The following EPHA6 variants were observed in gnomAD, a reference collection of about 807,000 sequenced individuals.
EPHA6 encodes ephrin type-A receptor 6.
A neutral mutation model predicts 112.0 loss-of-function variants in EPHA6; 50 were observed. The ratio of observed to expected loss-of-function variants is 0.45; its 90% CI spans 0.36 to 0.56. The LOEUF is 0.56. Among genes scored for constraint, EPHA6 ranks in the 20% least tolerant of loss-of-function variants. The pLI is 0.00. For synonymous variants in EPHA6, 529 were observed against 490.7 expected, an observed-to-expected ratio of 1.08 and a Z score of -1.03; for missense variants, 1,280 against 1,417.4, an observed-to-expected ratio of 0.90 and a Z score of 1.56.
At chr3:97,512,383 G>T (rs1269876743) in intron 10 of EPHA6, among the ~76,000 whole-genome samples, 1 of 152,046 alleles carries the variant, frequency 6.6e-6, no homozygotes, top group Non-Finnish European at 1.5e-5. Context: ...GACTAGCATA[G>T]TATCATTTTA....
At chr3:97,700,941 T>C (rs1217863139) in intron 14 of EPHA6, among the ~76,000 whole-genome samples, 19 of 151,972 alleles carry the variant, frequency 1.3e-4, no homozygotes, top group Non-Finnish European at 1.5e-5. Flanking sequence ...TAGGAAGGAA[T>C]AGAATATTAG....
rs187426165 is a variant in EPHA6 at position 97,436,407 on chromosome 3, T to A, written c.1732-12161T>A. Among the ~76,000 whole-genome samples, 496 of 152,174 alleles carry A rather than the reference T, an allele frequency of 3.3e-3. 3 individuals are homozygous for A. The highest frequency in any genetic ancestry group is 0.011 in the African/African-American group (465 of 41,546). Reference sequence around the variant, plus strand: ...GGCTCACAAACAAATATAAAAAAAATTTAAAGTTCCACCACGGTGACAAAA... The same window carrying A: ...GGCTCACAAACAAATATAAAAAAAAATTAAAGTTCCACCACGGTGACAAAA... On this transcript the variant is annotated intron_variant, in intron 6 of 17. Transcript: ENST00000389672.
chr3:97,592,195 G>A (rs757740752), intron 11 of EPHA6, among the ~76,000 whole-genome samples: 1 of 152,176 alleles, frequency 6.6e-6, no homozygotes, highest in Non-Finnish European at 1.5e-5. Context: ...TAGACCTAAA[G>A]TAAAGTACTG....
intron 5 of EPHA6, among the ~76,000 whole-genome samples, chr3:97,273,758 G>C (rs2079970741): frequency 6.6e-6 from 1 of 152,290 alleles, no homozygotes; most frequent in African/African-American, 2.4e-5. Flanking sequence ...TCTGCTATCG[G>C]ACTGTATAGA....
intron 10 of EPHA6, among the ~76,000 whole-genome samples, chr3:97,518,096 T>C (rs1174499682): frequency 6.6e-6 from 1 of 152,172 alleles, no homozygotes; most frequent in Non-Finnish European, 1.5e-5. Flanking sequence ...TTCTCTTTCT[T>C]TGGGTATATA....
intron 3 of EPHA6, among the ~76,000 whole-genome samples, chr3:97,061,231 C>T (rs1050516750): frequency 1.3e-5 from 2 of 152,040 alleles, no homozygotes; most frequent in Non-Finnish European, 2.9e-5. Context: ...GAATTGTATG[C>T]TTAAGAAGAA....
In EPHA6 at chr3:97,759,566, G is replaced by T. The variant is rs1024418798; in HGVS notation, c.*10865G>T. ...AACAAAGGCCTTGAGAGATAGAGGG[G>T]TTGCGATTTAAAGCATAAGTAGGGA... On this transcript the variant is annotated 3_prime_UTR_variant, in exon 18 of 18. Transcript: ENST00000389672. 4.3e-6 allele frequency: 1 copy of T among 230,978 alleles called. No individual in the cohort carries two copies. The highest frequency in any genetic ancestry group is 5.7e-5 in the Admixed American group (1 of 17,678). The allele number at this position is 230,978 out of a possible 1,614,324, so 14.3% of individuals were successfully genotyped here.
chr3:97,476,073 A>C (rs2107463761), intron 8 of EPHA6, among the ~76,000 whole-genome samples: 1 of 152,264 alleles, frequency 6.6e-6, no homozygotes, highest in Admixed American at 6.5e-5. Context: ...CCATTTAATG[A>C]CTTTTAAATA....
In EPHA6 at chr3:96,852,268, C is replaced by T. The variant is rs149052432; in HGVS notation, c.386-14557C>T. On this transcript the variant is annotated intron_variant, in intron 1 of 17. Transcript: ENST00000389672. ...CAGCACTTTGGGAGGCTGACCTGGG[C>T]GGATCACTTAAGGCCAGGAGTTCAA... Among the ~76,000 whole-genome samples, 774 of 151,864 alleles carry T rather than the reference C, an allele frequency of 5.1e-3. 7 individuals carry two copies. The highest frequency in any genetic ancestry group is 0.018 in the African/African-American group (730 of 41,416).
At chr3:96,869,778 C>T (rs911081529) in intron 2 of EPHA6, among the ~76,000 whole-genome samples, 2 of 152,010 alleles carry the variant, frequency 1.3e-5, no homozygotes. Context: ...TCATTTTCAA[C>T]AGTGGAGTAC....
At chr3:97,639,203 T>C (rs912647822) in intron 14 of EPHA6, among the ~76,000 whole-genome samples, 4 of 151,994 alleles carry the variant, frequency 2.6e-5, no homozygotes, top group South Asian at 2.1e-4. Context: ...TAGGAGTATC[T>C]ACTGATCTTT....
chr3:97,667,218 C>T (rs1307617741), intron 14 of EPHA6, among the ~76,000 whole-genome samples: 1 of 152,132 alleles, frequency 6.6e-6, no homozygotes, highest in Non-Finnish European at 1.5e-5. Flanking sequence ...AATTAGCTGG[C>T]AAGTTATAGC....
At chr3:96,889,154 C>T (rs749438292) in intron 2 of EPHA6, among the ~76,000 whole-genome samples, 1 of 152,194 alleles carries the variant, frequency 6.6e-6, no homozygotes, top group Non-Finnish European at 1.5e-5. Flanking sequence ...GTACATATCA[C>T]TGTCAACATT....
At chr3:97,123,902 GGAGAGACAGAGA>G (rs1294399419) in intron 3 of EPHA6, among the ~76,000 whole-genome samples, 1 of 151,576 alleles carries the variant, frequency 6.6e-6, no homozygotes, top group African/African-American at 2.4e-5. Flanking sequence ...TCACAGAGAG[GGAGAGACAGAGA>G]GAGAGAGAGA....
At chr3:97,164,116 G>A (rs1302487962) in intron 3 of EPHA6, among the ~76,000 whole-genome samples, 3 of 152,012 alleles carry the variant, frequency 2.0e-5, no homozygotes, top group Non-Finnish European at 4.4e-5. Context: ...CATTATATTT[G>A]TTCATATATA....
chr3:97,444,988 A>G (rs987505979), intron 6 of EPHA6, among the ~76,000 whole-genome samples: 23 of 152,114 alleles, frequency 1.5e-4, no homozygotes, highest in Non-Finnish European at 3.1e-4. Flanking sequence ...GAAGAGAACC[A>G]TAGGTAAAAG....
chr3:97,631,506 G>A (rs1293496897), intron 13 of EPHA6, among the ~76,000 whole-genome samples: 1 of 151,976 alleles, frequency 6.6e-6, no homozygotes, highest in African/African-American at 2.4e-5. Context: ...TGTTTTGAAA[G>A]GCTAGTGTCA....
At chr3:97,169,445 C>G (rs1222498629) in intron 3 of EPHA6, among the ~76,000 whole-genome samples, 1 of 152,042 alleles carries the variant, frequency 6.6e-6, no homozygotes, top group Non-Finnish European at 1.5e-5. Context: ...TCTTTTTGCT[C>G]TCTTCTTATC....
At chr3:96,946,481 A>G (rs1429553284) in intron 2 of EPHA6, among the ~76,000 whole-genome samples, 5 of 152,260 alleles carry the variant, frequency 3.3e-5, no homozygotes, top group South Asian at 2.1e-4. Flanking sequence ...AGCTTCATCC[A>G]TGTCCCTACA....
Sources: allele counts gnomAD v4.1 joint callset (sites outside exome capture counted in the v4.1 genomes callset), GRCh38; gene constraint gnomAD v4.1.1; transcripts MANE v1.5; gene names NCBI Gene and HGNC (gene_info 2026-07-23, HGNC 2026-07-21).